The following ZNF521 variants were observed in gnomAD, a reference collection of about 807,000 sequenced individuals.
ZNF521 encodes the protein LYST-interacting protein 3.
In ZNF521, 14 loss-of-function variants were observed where a neutral mutation model predicts 105.5. The ratio of observed to expected loss-of-function variants is 0.13; its 90% confidence interval spans 0.09 to 0.21. ZNF521 has a LOEUF of 0.21. ZNF521 is among the 10% of genes least tolerant of loss of function. The pLI, the probability that ZNF521 is intolerant of heterozygous loss-of-function variation, is 1.00. For missense variants in ZNF521, 1,233 were observed against 1,629.7 expected, an observed-to-expected ratio of 0.76 and a Z score of 4.19; for synonymous variants, 635 against 606.0, an observed-to-expected ratio of 1.05 and a Z score of -0.70.
intron 5 of ZNF521, among the ~76,000 whole-genome samples, chr18:25,121,273 C>CT (rs55714696): frequency 0.16 from 19,929 of 126,044 alleles, 1,733 homozygotes; most frequent in Middle Eastern, 0.21. Flanking sequence ...CTTCTTCTTC[C>CT]TTTTTTTTTT....
intron 7 of ZNF521, among the ~76,000 whole-genome samples, chr18:25,066,037 T>C (rs2033050623): frequency 6.6e-6 from 1 of 152,146 alleles, no homozygotes; most frequent in Admixed American, 6.5e-5. Context: ...AGCAACCCAA[T>C]GTAAGTAATA....
chr18:25,169,255 GT>G (rs1297655284), intron 5 of ZNF521, among the ~76,000 whole-genome samples: 1 of 152,076 alleles, frequency 6.6e-6, no homozygotes, highest in African/African-American at 2.4e-5. Context: ...TTGCTTTACT[GT>G]TTTTAAGGAA....
At chr18:25,121,708 T>G (rs1600062054) in intron 5 of ZNF521, among the ~76,000 whole-genome samples, 1 of 152,122 alleles carries the variant, frequency 6.6e-6, no homozygotes, top group South Asian at 2.1e-4. Flanking sequence ...GGGTAGAGTA[T>G]GCAGAAGGGT....
chr18:25,102,297 C>T (rs1171307740), intron 5 of ZNF521, among the ~76,000 whole-genome samples: 1 of 151,802 alleles, frequency 6.6e-6, no homozygotes, highest in Non-Finnish European at 1.5e-5. Context: ...CTAATAAATA[C>T]CTCACAAAAC....
At chr18:25,265,382 A>C (rs925220261) in intron 3 of ZNF521, among the ~76,000 whole-genome samples, 2 of 152,230 alleles carry the variant, frequency 1.3e-5, no homozygotes, top group African/African-American at 2.4e-5. Flanking sequence ...AAATGAAGTT[A>C]TCATAAACAT....
At chr18:25,072,314 C>A (rs373194677) in intron 7 of ZNF521, among the ~76,000 whole-genome samples, 1 of 152,092 alleles carries the variant, frequency 6.6e-6, no homozygotes, top group East Asian at 1.9e-4. Flanking sequence ...TAAAACAAGC[C>A]CTTTAGTCCA....
At chr18:25,144,672 G>C (rs1443553655) in intron 5 of ZNF521, among the ~76,000 whole-genome samples, 1 of 150,442 alleles carries the variant, frequency 6.6e-6, no homozygotes, top group Admixed American at 6.6e-5. Context: ...TATGATTAAG[G>C]CTTTAAAGAA....
chr18:25,315,212 G>A (rs928491391), intron 3 of ZNF521, among the ~76,000 whole-genome samples: 2 of 152,122 alleles, frequency 1.3e-5, no homozygotes, highest in African/African-American at 4.8e-5. Flanking sequence ...TTAGCCTCCA[G>A]GAAAAAGACA....
chr18:25,122,090 C>T (rs2034454472), intron 5 of ZNF521, among the ~76,000 whole-genome samples: 1 of 152,034 alleles, frequency 6.6e-6, no homozygotes, highest in Non-Finnish European at 1.5e-5. Context: ...AGAAGAAACA[C>T]TGAAGGTGTT....
At chr18:25,236,241 T>C (rs1293599616) in intron 3 of ZNF521, among the ~76,000 whole-genome samples, 1 of 152,098 alleles carries the variant, frequency 6.6e-6, no homozygotes, top group East Asian at 1.9e-4. Flanking sequence ...TATTAAGGAA[T>C]TCAGAGATGA....
chr18:25,345,086 T>C (rs1485408533), intron 2 of ZNF521, among the ~76,000 whole-genome samples: 4 of 152,184 alleles, frequency 2.6e-5, no homozygotes, highest in African/African-American at 9.7e-5. Context: ...CAACAAGTAT[T>C]TAACTAGAAT....
Position 25,066,380 on chromosome 18 carries a change from C to T in ZNF521, c.3907-3639G>A, listed in dbSNP as rs186967664. Among the ~76,000 whole-genome samples, 118 of 152,248 alleles carry T rather than the reference C, an allele frequency of 7.8e-4. 1 individual carries two copies. The highest frequency in any genetic ancestry group is 2.7e-3 in the African/African-American group (111 of 41,560). ...GGGATGTGTCTGTTCTCCTCCCCCACGCAGTATTTCAAGTCCACTGGAAAT... is the reference window on the plus strand; with the variant it reads ...GGGATGTGTCTGTTCTCCTCCCCCATGCAGTATTTCAAGTCCACTGGAAAT... On this transcript the variant is annotated intron_variant, in intron 7 of 7. Transcript: ENST00000361524.
chr18:25,204,023 C>G (rs1373876964), intron 4 of ZNF521, among the ~76,000 whole-genome samples: 1 of 152,150 alleles, frequency 6.6e-6, no homozygotes, highest in Non-Finnish European at 1.5e-5. Flanking sequence ...CTCTATTGCT[C>G]CCGTTCTTCC....
intron 4 of ZNF521, among the ~76,000 whole-genome samples, chr18:25,199,124 A>C (rs2035950079): frequency 6.6e-6 from 1 of 151,966 alleles, no homozygotes; most frequent in Non-Finnish European, 1.5e-5. Flanking sequence ...TTTTCAGTAA[A>C]TACAGGCATA....
At chr18:25,181,164 AC>A (rs1401570180) in intron 5 of ZNF521, among the ~76,000 whole-genome samples, 5 of 151,962 alleles carry the variant, frequency 3.3e-5, no homozygotes, top group African/African-American at 1.2e-4. Flanking sequence ...ATAAATTCCA[AC>A]CTTTCAGCTC....
intron 3 of ZNF521, among the ~76,000 whole-genome samples, chr18:25,272,520 C>A (rs2144947545): frequency 6.6e-6 from 1 of 152,258 alleles, no homozygotes; most frequent in African/African-American, 2.4e-5. Flanking sequence ...CCCAAATGCT[C>A]ATCAAGGATA....
At position 25,351,063 on chromosome 18, in the gene ZNF521, G is replaced by T. The variant is rs1044643129; in HGVS notation, c.-1-116C>A. On this transcript the variant is annotated intron_variant, in intron 1 of 7. Coordinates refer to ENST00000361524, the MANE Select transcript of ZNF521 (RefSeq NM_015461.3). ...GCGCCCTCCGCTCGGCCTCCCTCGC[G>T]CCCTCGCTCCGCGCTCCGCTCCTCG... The T allele has an allele frequency of 1.4e-4, 97 of 678,328 alleles. 1 individual carries two copies. In the African/African-American group the frequency reaches 1.7e-3, roughly 12 times the overall value. 42.0% of individuals were successfully genotyped at this position (678,328 alleles called of 1,614,324 possible).
At chr18:25,115,913 A>C (rs1481076322) in intron 5 of ZNF521, among the ~76,000 whole-genome samples, 1 of 152,226 alleles carries the variant, frequency 6.6e-6, no homozygotes, top group Non-Finnish European at 1.5e-5. Context: ...CCGCCAGGAA[A>C]ACCTCAATAA....
At chr18:25,334,352 T>G (rs1469290612) in intron 2 of ZNF521, among the ~76,000 whole-genome samples, 1 of 152,146 alleles carries the variant, frequency 6.6e-6, no homozygotes, top group Non-Finnish European at 1.5e-5. Flanking sequence ...TTGATTTGGT[T>G]TATGACGAGT....
Sources: gnomAD v4.1 joint callset for allele counts (sites outside exome capture counted in the v4.1 genomes callset) on GRCh38, gnomAD v4.1.1 for gene constraint, MANE v1.5 for transcripts, NCBI Gene and HGNC (gene_info 2026-07-23, HGNC 2026-07-21) for gene names.